Variants in TSBP1 observed in about 807,000 individuals in gnomAD.
TSBP1 encodes testis expressed basic protein 1, also known as testis-expressed basic protein 1.
Under a neutral mutation model 68.8 loss-of-function variants are expected in TSBP1, and 56 were observed. The observed-to-expected ratio is 0.81, with a 90% confidence interval of 0.66 to 1.02. The LOEUF is 1.02. Among genes scored for constraint, TSBP1 ranks in the 50% least tolerant of loss-of-function variants. The probability of loss-of-function intolerance (pLI) is 0.00; values close to 1 mark genes in which losing one functional copy is unlikely to be tolerated. For synonymous variants in TSBP1, 171 were observed against 208.7 expected (o/e 0.82, Z 1.56); for missense variants, 502 against 641.2 (o/e 0.78, Z 2.34).
intron 6 of TSBP1, among the ~76,000 whole-genome samples, chr6:32,356,484 C>T (rs1034733165): frequency 6.6e-6 from 1 of 152,002 alleles, no homozygotes; most frequent in African/African-American, 2.4e-5. Context: ...CTTTGGGAGG[C>T]CGAAGTGGGT....
chr6:32,345,318 T>C (rs1770879635), intron 9 of TSBP1, among the ~76,000 whole-genome samples: 1 of 152,118 alleles, frequency 6.6e-6, no homozygotes, highest in Non-Finnish European at 1.5e-5. Context: ...TAAACTGAAA[T>C]ATGGTTCCTG....
At position 32,343,916 on chromosome 6, in the gene TSBP1, G is replaced by A. The variant is rs377040282; in HGVS notation, c.350-4278C>T. On this transcript the variant is annotated intron_variant, in intron 9 of 22. Transcript: ENST00000612031. This position sits in a 1 kb window ranked among gnomAD's most constrained non-coding sequence, Gnocchi z 4.3. ...AATTCTAGGGCAAGACTTGTAGAAGGTTTAATGATATTAACTTTGATAGTA... is the reference window on the plus strand; with the variant it reads ...AATTCTAGGGCAAGACTTGTAGAAGATTTAATGATATTAACTTTGATAGTA... 6.6e-6 allele frequency among the ~76,000 whole-genome samples: 1 copy of A among 151,930 alleles called. No homozygotes were observed. The highest frequency in any genetic ancestry group is 1.5e-5 in the Non-Finnish European group (1 of 68,006).
rs1773018910 is a variant in TSBP1 at position 32,361,499 on chromosome 6, T to C, written c.217+4668A>G. ...GAACTAGTTTACACTCCCACCAACA[T>C]TGTAAAAACATTCCTATTTCTCCAT... On this transcript the variant is annotated intron_variant, in intron 6 of 22. Coordinates refer to ENST00000612031, the Ensembl canonical transcript of TSBP1. The surrounding 1 kb of genome is among the most constrained non-coding windows in gnomAD (Gnocchi z 4.3). Among the ~76,000 whole-genome samples, 2 of 152,140 alleles carry C rather than the reference T, an allele frequency of 1.3e-5. No homozygotes were observed. The highest frequency in any genetic ancestry group is 2.1e-4 in the South Asian group (1 of 4,824).
intron 18 of TSBP1, 71 bp downstream of exon 20, chr6:32,322,415 C>A: frequency 9.4e-7 from 1 of 1,065,376 alleles, no homozygotes; most frequent in South Asian, 1.4e-5. Context: ...AAATATGAGG[C>A]ACTTAGAAAT....
At chr6:32,366,054 C>T (rs949334443) in intron 6 of TSBP1, 113 bp downstream of exon 6, 4 of 1,329,004 alleles carry the variant, frequency 3.0e-6, no homozygotes, top group Non-Finnish European at 4.1e-6. Flanking sequence ...TCTGTAACTA[C>T]TTTGATTTCT....
Position 32,301,962 on chromosome 6 carries a change from C to CATAATAATAATA in TSBP1, c.601+646_601+647insTATTATTATTAT, listed in dbSNP as rs1554185882. ...TTTTACATATTTAAATAGTTGAAATCATCATCATAATAATAATAATAATAA... is the reference window on the plus strand; with the variant it reads ...TTTTACATATTTAAATAGTTGAAATCATAATAATAATAATCATCATAATAATAATAATAATAA... On this transcript the variant is annotated intron_variant, in intron 20 of 22. Transcript: ENST00000612031. Among the ~76,000 whole-genome samples, 138 of 135,450 alleles carry CATAATAATAATA rather than the reference C, an allele frequency of 1.0e-3. 1 individual carries two copies. Among genetic ancestry groups the CATAATAATAATA allele is most frequent in the East Asian group, 4.1e-3 (19 of 4,642 alleles). The allele number at this position is 135,450 out of a possible 152,430, so 88.9% of individuals were successfully genotyped here.
intron 4 of TSBP1, 133 bp downstream of exon 4, chr6:32,367,792 G>T: frequency 1.7e-6 from 1 of 604,854 alleles, no homozygotes; most frequent in Non-Finnish European, 2.8e-6. Context: ...AGAGAGGAGT[G>T]ATAAGCATTT....
At chr6:32,352,456 G>A (rs1771826361) in intron 8 of TSBP1, among the ~76,000 whole-genome samples, 1 of 151,332 alleles carries the variant, frequency 6.6e-6, no homozygotes, top group African/African-American at 2.4e-5. Context: ...AAAGAAACAA[G>A]GAATTCTAAT....
chr6:32,325,866 T>A lies in TSBP1; in HGVS notation c.515-2252A>T. 6.9e-7 allele frequency: 1 copy of A among 1,448,846 alleles called. No individual in the cohort carries two copies. The highest frequency in any genetic ancestry group is 9.6e-7 in the Non-Finnish European group (1 of 1,044,590). 89.7% of individuals were successfully genotyped at this position (1,448,846 alleles called of 1,614,324 possible). Reference sequence around the variant, plus strand: ...GTTTCGGTGGGAATGACAACTTTGATCATGGAGGAAACTTCAGTGGTTGTG... The same window carrying A: ...GTTTCGGTGGGAATGACAACTTTGAACATGGAGGAAACTTCAGTGGTTGTG... On this transcript the variant is annotated intron_variant, in intron 16 of 22. Transcript: ENST00000612031. This position sits in a 1 kb window ranked among gnomAD's most constrained non-coding sequence, Gnocchi z 4.4.
At position 32,325,351 on chromosome 6, in the gene TSBP1, G is replaced by A; in HGVS notation, c.515-1737C>T. On this transcript the variant is annotated intron_variant, in intron 16 of 22. Coordinates refer to ENST00000612031, the Ensembl canonical transcript of TSBP1. This position sits in a 1 kb window ranked among gnomAD's most constrained non-coding sequence, Gnocchi z 4.4. Reference sequence around the variant, plus strand: ...GTGAGGGACACTCCCGGACAGTGTGGTCATGAGAGATCCAAACCCAAGCAC... The same window carrying A: ...GTGAGGGACACTCCCGGACAGTGTGATCATGAGAGATCCAAACCCAAGCAC... 2 of 1,016,994 alleles carry A rather than the reference G, an allele frequency of 2.0e-6. No homozygotes were observed. The highest frequency in any genetic ancestry group is 1.3e-5 in the South Asian group (1 of 79,036). 63.0% of individuals were successfully genotyped at this position (1,016,994 alleles called of 1,614,324 possible).
At chr6:32,294,152 C>A in intron 22 of TSBP1, 117 bp from the exon 26 acceptor site, 1 of 1,230,020 alleles carries the variant, frequency 8.1e-7, no homozygotes, top group Non-Finnish European at 1.2e-6. Context: ...TAAAATTTTT[C>A]TGAATCTCAA....
chr6:32,370,330 T>G (rs1774243054), intron 1 of TSBP1, among the ~76,000 whole-genome samples: 1 of 150,692 alleles, frequency 6.6e-6, no homozygotes, highest in Admixed American at 6.6e-5. Flanking sequence ...AGCTATCCAC[T>G]GGGGTATGGG....
chr6:32,325,177 C>T lies in TSBP1; in HGVS notation c.515-1563G>A. On this transcript the variant is annotated intron_variant, in intron 16 of 22. Coordinates refer to ENST00000612031, the Ensembl canonical transcript of TSBP1. The surrounding 1 kb of genome is among the most constrained non-coding windows in gnomAD (Gnocchi z 4.4). ...TTTATGCCTTTCTGCCCATGGATGC[C>T]ATGGAAGAAGCATCATTAAAGTCTC... is the stretch of plus-strand genomic sequence containing the variant. The T allele has an allele frequency of 3.7e-6, 2 of 545,348 alleles. No individual in the cohort carries two copies. The highest frequency in any genetic ancestry group is 6.5e-6 in the Non-Finnish European group (2 of 309,524). The allele number at this position is 545,348 out of a possible 1,614,324, so 33.8% of individuals were successfully genotyped here. A position where few individuals can be genotyped will look rare whatever the true frequency, so the allele number is the denominator to read the frequency against.
At position 32,337,725 on chromosome 6, in the gene TSBP1, G is replaced by A. The variant is rs1445869622; in HGVS notation, c.410-1090C>T. ...CACCACACCTCTCTACACCTCATAG[G>A]CTATAAGTGATTCTCTCACCTTGGC... On this transcript the variant is annotated intron_variant, in intron 11 of 22. Coordinates refer to ENST00000612031, the Ensembl canonical transcript of TSBP1. This position sits in a 1 kb window ranked among gnomAD's most constrained non-coding sequence, Gnocchi z 5.5. Among the ~76,000 whole-genome samples the A allele has an allele frequency of 1.3e-5, 2 of 151,886 alleles. No individual in the cohort carries two copies. The highest frequency in any genetic ancestry group is 2.4e-5 in the African/African-American group (1 of 41,338).
chr6:32,314,811 A>G lies in TSBP1; in HGVS notation c.580+961T>C, dbSNP rs191639568. Among the ~76,000 whole-genome samples, 1 of 152,330 alleles carries G rather than the reference A, an allele frequency of 6.6e-6. No homozygotes were observed. Among genetic ancestry groups the G allele is most frequent in the Admixed American group, 6.5e-5 (1 of 15,302 alleles). ...GATGTCTTTCATGTTTAAAAATTGG[A>G]AAATTTTACCTACTATCTGGATTAA... is the stretch of plus-strand genomic sequence containing the variant. On this transcript the variant is annotated intron_variant, in intron 19 of 22. Coordinates refer to ENST00000612031, the Ensembl canonical transcript of TSBP1. The surrounding 1 kb of genome is among the most constrained non-coding windows in gnomAD (Gnocchi z 4.2).
chr6:32,369,908 C>T (rs774671654), exon 2 of TSBP1: 13 of 1,600,882 alleles, frequency 8.1e-6, no homozygotes, highest in South Asian at 4.4e-5. Flanking sequence ...ACTTTGCTTA[C>T]ATCGTGCCCA....
rs1464562082 is a variant in TSBP1 at position 32,322,363 on chromosome 6, A to T, written c.559+754T>A. Reference sequence around the variant, plus strand: ...TCAAAAAGGTTGACTTGCAGTCCTAATCTTGAAGACTTTGGGTAATGTAGA... The same window carrying T: ...TCAAAAAGGTTGACTTGCAGTCCTATTCTTGAAGACTTTGGGTAATGTAGA... On this transcript the variant is annotated intron_variant, in intron 18 of 22. Coordinates refer to ENST00000612031, the Ensembl canonical transcript of TSBP1. 4.1e-6 allele frequency: 3 copies of T among 726,514 alleles called. No individual in the cohort carries two copies. The African/African-American group carries it at 5.3e-5, about 13-fold the overall frequency. 45.0% of individuals were successfully genotyped at this position (726,514 alleles called of 1,614,324 possible).
intron 19 of TSBP1, among the ~76,000 whole-genome samples, chr6:32,310,761 A>ATATATATTTTTTTTTTTTTTTTTTT: frequency 1.4e-5 from 2 of 144,806 alleles, no homozygotes; most frequent in Non-Finnish European, 3.0e-5. Context: ...ATATATATAT[A>ATATATATTTTTTTTTTTTTTTTTTT]TTTTTAATCT....
chr6:32,331,396 G>T (rs72843213), intron 15 of TSBP1, among the ~76,000 whole-genome samples: 6,796 of 152,156 alleles, frequency 0.045, 287 homozygotes, highest in Non-Finnish European at 0.054. Context: ...TAAGGTAATG[G>T]AATTTCCATT....
Sources: gnomAD v4.1 joint callset for allele counts (sites outside exome capture counted in the v4.1 genomes callset) on GRCh38, gnomAD v4.1.1 for gene constraint, Gnocchi (gnomAD v3.1) non-coding constraint, MANE v1.5 for transcripts, NCBI Gene and HGNC (gene_info 2026-07-23, HGNC 2026-07-21) for gene names.